Variants in PTPRG observed in about 807,000 individuals in gnomAD.
PTPRG encodes receptor-type tyrosine-protein phosphatase gamma.
Under a neutral mutation model 165.3 loss-of-function variants are expected in PTPRG, and 102 were observed. The ratio of observed to expected loss-of-function variants is 0.62; its 90% CI spans 0.53 to 0.73. The LOEUF is 0.73. Among genes scored for constraint, PTPRG ranks in the 30% least tolerant of loss-of-function variants. The pLI is 0.00. For missense variants in PTPRG, 1,866 were observed against 1,861.4 expected (o/e 1.00, Z -0.05); for synonymous variants, 675 against 669.5 (o/e 1.01, Z -0.13).
At chr3:62,287,473 T>C (rs546855277) in intron 28 of PTPRG, among the ~76,000 whole-genome samples, 1 of 152,144 alleles carries the variant, frequency 6.6e-6, no homozygotes, top group East Asian at 1.9e-4. Context: ...TAGGAACAAA[T>C]TCGGCCTAAG....
At chr3:62,260,590 G>C (rs1156664715) in intron 16 of PTPRG, among the ~76,000 whole-genome samples, 1 of 152,058 alleles carries the variant, frequency 6.6e-6, no homozygotes, top group Non-Finnish European at 1.5e-5. Context: ...TGTTACATAG[G>C]GAGTAAAATA....
chr3:62,118,134 G>GT (rs1237666691), intron 5 of PTPRG, among the ~76,000 whole-genome samples: 1 of 152,318 alleles, frequency 6.6e-6, no homozygotes, highest in East Asian at 1.9e-4. Flanking sequence ...GCTTAGGACA[G>GT]TTAAGTAATT....
chr3:61,958,274 G>A (rs898692438), intron 2 of PTPRG, among the ~76,000 whole-genome samples: 16 of 151,868 alleles, frequency 1.1e-4, no homozygotes, highest in African/African-American at 3.4e-4. Flanking sequence ...CTATAGCTTC[G>A]TGCCACCACA....
intron 6 of PTPRG, among the ~76,000 whole-genome samples, chr3:62,138,583 G>A (rs973771798): frequency 6.6e-6 from 1 of 152,078 alleles, no homozygotes; most frequent in Non-Finnish European, 1.5e-5. Context: ...GCCAGACATG[G>A]TGGCACGCAT....
intron 28 of PTPRG, among the ~76,000 whole-genome samples, chr3:62,287,807 GC>G (rs960867269): frequency 6.6e-6 from 1 of 152,084 alleles, no homozygotes; most frequent in Admixed American, 6.6e-5. Flanking sequence ...AAGAGAGACT[GC>G]ACAGAGAGAC....
rs964012575 is a variant in PTPRG at position 62,052,035 on chromosome 3, A to G, written c.520-26128A>G. 4.6e-5 allele frequency among the ~76,000 whole-genome samples: 7 copies of G among 152,316 alleles called. No individual in the cohort carries two copies. The South Asian group carries it at 8.3e-4, about 18-fold the overall frequency. ...CACCCATCTTCTGAGTAAAAAAAGG[A>G]TCTAATCAGATCTGACATGGAGCTG... On this transcript the variant is annotated intron_variant, in intron 4 of 29. Coordinates refer to ENST00000474889, the MANE Select transcript of PTPRG (RefSeq NM_002841.4).
intron 4 of PTPRG, among the ~76,000 whole-genome samples, chr3:62,011,395 A>G (rs1040575534): frequency 3.3e-5 from 5 of 152,148 alleles, no homozygotes; most frequent in Admixed American, 3.3e-4. Flanking sequence ...TTCTTTTTTC[A>G]CAGAGTCCTT....
At chr3:62,027,157 G>T (rs1331253364) in intron 4 of PTPRG, among the ~76,000 whole-genome samples, 1 of 151,906 alleles carries the variant, frequency 6.6e-6, no homozygotes, top group Non-Finnish European at 1.5e-5. Flanking sequence ...AACAAACTGG[G>T]GATGACGCTT....
At chr3:61,609,427 A>C (rs1043459501) in intron 1 of PTPRG, among the ~76,000 whole-genome samples, 8 of 152,228 alleles carry the variant, frequency 5.3e-5, no homozygotes, top group Non-Finnish European at 1.0e-4. Context: ...TCGCCTTTCA[A>C]GGAAGAGCTG....
intron 1 of PTPRG, among the ~76,000 whole-genome samples, chr3:61,739,987 C>T (rs1232994483): frequency 6.6e-6 from 1 of 152,162 alleles, no homozygotes; most frequent in African/African-American, 2.4e-5. Flanking sequence ...GCAACTAATG[C>T]AATACGCATA....
chr3:61,809,165 T>TG (rs1182296783), intron 2 of PTPRG, among the ~76,000 whole-genome samples: 1 of 150,458 alleles, frequency 6.6e-6, no homozygotes, highest in Non-Finnish European at 1.5e-5. Flanking sequence ...ATTATCACGG[T>TG]GGGGGAGGTT....
intron 1 of PTPRG, among the ~76,000 whole-genome samples, chr3:61,562,646 G>C (rs1380475431): frequency 1.3e-5 from 2 of 151,902 alleles, no homozygotes; most frequent in African/African-American, 2.4e-5. Context: ...GGGGGTCCTG[G>C]GGAGCTGGAA....
chr3:61,784,250 A>C (rs770445745), intron 2 of PTPRG, among the ~76,000 whole-genome samples: 40 of 152,162 alleles, frequency 2.6e-4, no homozygotes, highest in Middle Eastern at 3.2e-3. Context: ...CTGAAGGGCA[A>C]GGCTACATGC....
intron 4 of PTPRG, among the ~76,000 whole-genome samples, chr3:62,012,206 A>T (rs2041440262): frequency 6.6e-6 from 1 of 152,208 alleles, no homozygotes; most frequent in Admixed American, 6.5e-5. Context: ...CATCTTAAAG[A>T]TGGAAAGACT....
chr3:62,062,677 G>GA (rs1700859909), intron 4 of PTPRG, among the ~76,000 whole-genome samples: 2 of 21,096 alleles, frequency 9.5e-5, no homozygotes, highest in Non-Finnish European at 3.7e-4. Flanking sequence ...TTATGGCATT[G>GA]TTTTTTTTAA....
Position 61,587,947 on chromosome 3 carries a change from C to T in PTPRG, c.85+25575C>T, listed in dbSNP as rs1270537495. Among the ~76,000 whole-genome samples the T allele has an allele frequency of 2.1e-5, 3 of 143,454 alleles. No homozygotes were observed. In the Admixed American group the frequency reaches 2.2e-4, roughly 10 times the overall value. 94.1% of individuals were successfully genotyped at this position (143,454 alleles called of 152,430 possible). A position where few individuals can be genotyped will look rare whatever the true frequency, so the allele number is the denominator to read the frequency against. ...GTGTTGGAATTCCAGGCATGAGCCACTGCAGCTGTCCCATTTTTTTTTTTT... is the reference window on the plus strand; with the variant it reads ...GTGTTGGAATTCCAGGCATGAGCCATTGCAGCTGTCCCATTTTTTTTTTTT... On this transcript the variant is annotated intron_variant, in intron 1 of 29. Coordinates refer to ENST00000474889, the MANE Select transcript of PTPRG (RefSeq NM_002841.4).
At chr3:61,802,026 A>G (rs975820788) in intron 2 of PTPRG, among the ~76,000 whole-genome samples, 4 of 144,764 alleles carry the variant, frequency 2.8e-5, no homozygotes, top group Non-Finnish European at 4.5e-5. Flanking sequence ...CTCCATCTCA[A>G]AAAAAAAAAA....
chr3:62,264,986 T>C (rs1701819089), intron 17 of PTPRG, among the ~76,000 whole-genome samples: 1 of 151,418 alleles, frequency 6.6e-6, no homozygotes, highest in Non-Finnish European at 1.5e-5. Context: ...ACAGCCTTCC[T>C]AACCGGTATG....
rs1237755578 is a variant in PTPRG at position 61,636,697 on chromosome 3, C to G, written c.85+74325C>G. Among the ~76,000 whole-genome samples, 8 of 152,154 alleles carry G rather than the reference C, an allele frequency of 5.3e-5. 1 individual carries two copies. Among genetic ancestry groups the G allele is most frequent in the Admixed American group, 5.2e-4 (8 of 15,272 alleles). ...ATGGATATACCACATTTTGTTTATA[C>G]TCTCATTTCTTTATGGGTATTTGGG... On this transcript the variant is annotated intron_variant, in intron 1 of 29. Transcript: ENST00000474889.
Sources: gnomAD v4.1 joint callset for allele counts (sites outside exome capture counted in the v4.1 genomes callset) on GRCh38, gnomAD v4.1.1 for gene constraint, MANE v1.5 for transcripts, NCBI Gene and HGNC (gene_info 2026-07-23, HGNC 2026-07-21) for gene names.